Variants in TAFA5 observed in about 807,000 individuals in gnomAD.
TAFA5 encodes the protein chemokine-like protein TAFA-5.
Under a neutral mutation model 15.3 loss-of-function variants are expected in TAFA5, and 6 were observed. The observed-to-expected ratio is 0.39, with a 90% CI of 0.21 to 0.77. The LOEUF is 0.77. Ranked by LOEUF, TAFA5 falls within the 30% of genes least tolerant of loss-of-function variation. TAFA5 has a pLI of 0.41. For missense variants in TAFA5, 161 were observed against 193.1 expected, an observed-to-expected ratio of 0.83 and a Z score of 0.98; for synonymous variants, 103 against 80.7, an observed-to-expected ratio of 1.28 and a Z score of -1.48.
intron 1 of TAFA5, among the ~76,000 whole-genome samples, chr22:48,635,430 G>A (rs1170464207): frequency 6.6e-6 from 1 of 152,206 alleles, no homozygotes; most frequent in Non-Finnish European, 1.5e-5. Flanking sequence ...GCCGCCTCTA[G>A]CAACCGTCTC....
intron 3 of TAFA5, among the ~76,000 whole-genome samples, chr22:48,740,756 G>A (rs986590135): frequency 6.6e-6 from 1 of 152,170 alleles, no homozygotes; most frequent in Non-Finnish European, 1.5e-5. Context: ...AGATGTGGTG[G>A]CTGCGATGTG....
chr22:48,609,480 G>C (rs1925318737), intron 1 of TAFA5, among the ~76,000 whole-genome samples: 1 of 152,190 alleles, frequency 6.6e-6, no homozygotes, highest in Non-Finnish European at 1.5e-5. Context: ...CTGTGGTGTG[G>C]ACAGGGCGCT....
intron 1 of TAFA5, among the ~76,000 whole-genome samples, chr22:48,585,722 AACAC>A (rs1213868610): frequency 6.6e-6 from 1 of 151,366 alleles, no homozygotes; most frequent in Non-Finnish European, 1.5e-5. Flanking sequence ...TACCACACAC[AACAC>A]ACACACATAA....
At chr22:48,746,486 C>A (rs768140364) in intron 3 of TAFA5, among the ~76,000 whole-genome samples, 44 of 152,072 alleles carry the variant, frequency 2.9e-4, no homozygotes, top group Middle Eastern at 3.4e-3. Flanking sequence ...AAGGCCAGAC[C>A]CCGTCTTGTT....
intron 1 of TAFA5, chr22:48,538,781 C>T (rs1922258244): frequency 6.6e-6 from 1 of 152,344 alleles, no homozygotes; most frequent in South Asian, 2.1e-4. Context: ...AAACATCCCA[C>T]TGGCCAAGTA....
chr22:48,542,630 G>T (rs201685847), intron 1 of TAFA5, among the ~76,000 whole-genome samples: 65 of 16,834 alleles, frequency 3.9e-3, no homozygotes, highest in South Asian at 0.016. Flanking sequence ...GGTGTGTGTG[G>T]GTGTGTGATG....
In TAFA5 at chr22:48,552,548, G is replaced by A. The variant is rs1012689595; in HGVS notation, c.112+62844G>A. Among the ~76,000 whole-genome samples the A allele has an allele frequency of 1.3e-5, 2 of 152,038 alleles. No individual in the cohort carries two copies. Among genetic ancestry groups the A allele is most frequent in the Non-Finnish European group, 2.9e-5 (2 of 67,998 alleles). ...TCAGGACATGGAGACTTCACAGCCC[G>A]GCGGAACCCACGCCCATGCCCAGCT... On this transcript the variant is annotated intron_variant, in intron 1 of 3. Transcript: ENST00000402357. The surrounding 1 kb of genome is among the most constrained non-coding windows in gnomAD (Gnocchi z 4.1).
rs1923416309 is a variant in TAFA5, at chr22:48,566,612, T to C, written c.112+76908T>C. On this transcript the variant is annotated intron_variant, in intron 1 of 3. Coordinates refer to ENST00000402357, the MANE Select transcript of TAFA5 (RefSeq NM_001082967.3). This position sits in a 1 kb window ranked among gnomAD's most constrained non-coding sequence, Gnocchi z 4.5. ...GTACACCTAGCTTTAGCCCAACCTC[T>C]CCTTCTGCTGCCATAGGCAGGTTGC... Among the ~76,000 whole-genome samples the C allele has an allele frequency of 6.6e-6, 1 of 152,184 alleles. No homozygotes were observed. Among genetic ancestry groups the C allele is most frequent in the Admixed American group, 6.5e-5 (1 of 15,290 alleles).
rs1459547161 is a variant in TAFA5 at position 48,566,596 on chromosome 22, G to C, written c.112+76892G>C. On this transcript the variant is annotated intron_variant, in intron 1 of 3. Transcript: ENST00000402357. This position sits in a 1 kb window ranked among gnomAD's most constrained non-coding sequence, Gnocchi z 4.5. ...AGCAGGGGCTGCCCGGGTACACCTA[G>C]CTTTAGCCCAACCTCTCCTTCTGCT... Among the ~76,000 whole-genome samples, 1 of 152,192 alleles carries C rather than the reference G, an allele frequency of 6.6e-6. No individual in the cohort carries two copies. Among genetic ancestry groups the C allele is most frequent in the Non-Finnish European group, 1.5e-5 (1 of 68,030 alleles).
At chr22:48,688,393 T>C (rs1928430941) in intron 2 of TAFA5, among the ~76,000 whole-genome samples, 1 of 152,272 alleles carries the variant, frequency 6.6e-6, no homozygotes, top group Non-Finnish European at 1.5e-5. Flanking sequence ...TGCAGATTTT[T>C]CTTTTTTGAG....
In TAFA5 at chr22:48,742,356, C is replaced by T. The variant is rs367567579; in HGVS notation, c.391-7483C>T. Among the ~76,000 whole-genome samples, 1 of 152,376 alleles carries T rather than the reference C, an allele frequency of 6.6e-6. No individual in the cohort carries two copies. The highest frequency in any genetic ancestry group is 1.9e-4 in the East Asian group (1 of 5,190). On this transcript the variant is annotated intron_variant, in intron 3 of 3. Coordinates refer to ENST00000402357, the MANE Select transcript of TAFA5 (RefSeq NM_001082967.3). The surrounding 1 kb of genome is among the most constrained non-coding windows in gnomAD (Gnocchi z 6.2). ...GAGAAACCTGCTTCACAGCGGAGGA[C>T]ACAGACAGCAGAGTCAAGCACAGTT...
intron 3 of TAFA5, among the ~76,000 whole-genome samples, chr22:48,711,366 C>A (rs1929249039): frequency 6.6e-6 from 1 of 151,806 alleles, no homozygotes; most frequent in Non-Finnish European, 1.5e-5. Context: ...GATGCCTGGG[C>A]CGGTAGATCT....
At chr22:48,567,262 C>T (rs946485303) in intron 1 of TAFA5, among the ~76,000 whole-genome samples, 1 of 152,244 alleles carries the variant, frequency 6.6e-6, no homozygotes, top group South Asian at 2.1e-4. Context: ...GTGTGCTGCC[C>T]GCCTGGCCTC....
intron 1 of TAFA5, among the ~76,000 whole-genome samples, chr22:48,502,033 C>T (rs1920955117): frequency 6.6e-6 from 1 of 152,266 alleles, no homozygotes; most frequent in Admixed American, 6.5e-5. Flanking sequence ...TGTGTGGGTT[C>T]TCCCAATGTC....
intron 1 of TAFA5, among the ~76,000 whole-genome samples, chr22:48,612,613 G>A (rs993861022): frequency 2.6e-5 from 4 of 151,942 alleles, no homozygotes; most frequent in East Asian, 1.9e-4. Flanking sequence ...TGTTCCCCAC[G>A]TGTCTCCCGT....
chr22:48,562,058 C>CGCAGGGTA (rs941362121), intron 1 of TAFA5, among the ~76,000 whole-genome samples: 14 of 152,186 alleles, frequency 9.2e-5, no homozygotes, highest in African/African-American at 3.4e-4. Flanking sequence ...TAGGTCCTGG[C>CGCAGGGTA]GCAGGGTAAG....
intron 1 of TAFA5, among the ~76,000 whole-genome samples, chr22:48,643,473 A>G (rs1569061175): frequency 6.6e-6 from 1 of 150,382 alleles, no homozygotes; most frequent in Non-Finnish European, 1.5e-5. Context: ...GGGATTGGAG[A>G]CCCTCCAGTG....
intron 2 of TAFA5, among the ~76,000 whole-genome samples, chr22:48,673,200 C>G (rs1321603208): frequency 6.6e-6 from 1 of 152,250 alleles, no homozygotes; most frequent in African/African-American, 2.4e-5. Context: ...CCACTTTGAA[C>G]TTTGGGGGAA....
rs141474581 is a variant in TAFA5 at position 48,615,288 on chromosome 22, C to T, written c.113-31309C>T. ...GCCAGCAGAACTGATGAAAAGCACT[C>T]GTATCTGCCCATGGTGGCAGCCGGC... On this transcript the variant is annotated intron_variant, in intron 1 of 3. Coordinates refer to ENST00000402357, the MANE Select transcript of TAFA5 (RefSeq NM_001082967.3). Among the ~76,000 whole-genome samples the T allele has an allele frequency of 2.0e-3, 300 of 152,284 alleles. 2 individuals carry two copies. Among genetic ancestry groups the T allele is most frequent in the Admixed American group, 4.8e-3 (74 of 15,308 alleles).
Sources: gnomAD v4.1 joint callset for allele counts (sites outside exome capture counted in the v4.1 genomes callset) on GRCh38, gnomAD v4.1.1 for gene constraint, Gnocchi (gnomAD v3.1) non-coding constraint, MANE v1.5 for transcripts, NCBI Gene and HGNC (gene_info 2026-07-23, HGNC 2026-07-21) for gene names.